The following SSBP2 variants were observed in gnomAD, a reference collection of about 807,000 sequenced individuals.
SSBP2 encodes the protein single-stranded DNA-binding protein 2.
A neutral mutation model predicts 61.8 loss-of-function variants in SSBP2; 17 were observed. The ratio of observed to expected loss-of-function variants is 0.28; its 90% CI spans 0.19 to 0.41. The LOEUF (loss-of-function observed/expected upper bound fraction) is 0.41, where lower values mean the gene tolerates loss of function less well. Among genes scored for constraint, SSBP2 ranks in the 10% least tolerant of loss-of-function variants. SSBP2 has a pLI of 1.00. For synonymous variants in SSBP2, 139 were observed against 141.3 expected (o/e 0.98, Z 0.12); for missense variants, 310 against 458.7 (o/e 0.68, Z 2.96).
chr5:81,539,802 TGTTACATA>T (rs1277315574), intron 4 of SSBP2, among the ~76,000 whole-genome samples: 1 of 152,170 alleles, frequency 6.6e-6, no homozygotes, highest in Non-Finnish European at 1.5e-5. Context: ...CGTGCAGGTT[TGTTACATA>T]GGTATACACG....
At chr5:81,632,965 T>C (rs1024616925) in intron 3 of SSBP2, among the ~76,000 whole-genome samples, 13 of 152,144 alleles carry the variant, frequency 8.5e-5, no homozygotes, top group African/African-American at 2.9e-4. Context: ...TAAAAGGACA[T>C]ATGCATTCTG....
At chr5:81,595,370 C>G (rs192040164) in intron 4 of SSBP2, among the ~76,000 whole-genome samples, 2,250 of 152,152 alleles carry the variant, frequency 0.015, 45 homozygotes, top group East Asian at 0.053. Flanking sequence ...ACCAAAAAAA[C>G]TCCAGGACCA....
intron 1 of SSBP2, among the ~76,000 whole-genome samples, chr5:81,681,949 T>C (rs1752419666): frequency 6.6e-6 from 1 of 152,164 alleles, no homozygotes; most frequent in Non-Finnish European, 1.5e-5. Context: ...TACTCAAAAA[T>C]TTGATAACCT....
intron 4 of SSBP2, among the ~76,000 whole-genome samples, chr5:81,538,002 T>TA (rs1197431644): frequency 1.6e-4 from 24 of 152,150 alleles, no homozygotes; most frequent in African/African-American, 5.8e-4. Context: ...GTGTTTCAAG[T>TA]AAAAGGAAAA....
At chr5:81,473,851 G>A in intron 7 of SSBP2, 81 bp from the exon 8 acceptor site, 1 of 1,277,782 alleles carries the variant, frequency 7.8e-7, no homozygotes, top group South Asian at 1.2e-5. Context: ...CCTCCTGGGT[G>A]TTACTGTCTC....
intron 4 of SSBP2, among the ~76,000 whole-genome samples, chr5:81,565,437 AG>A (rs1026815558): frequency 2.0e-5 from 3 of 152,194 alleles, no homozygotes; most frequent in Admixed American, 2.0e-4. Flanking sequence ...TAAGATCAAA[AG>A]GTAAGTTTTA....
At chr5:81,641,378 T>C (rs1748770669) in intron 2 of SSBP2, among the ~76,000 whole-genome samples, 1 of 152,252 alleles carries the variant, frequency 6.6e-6, no homozygotes, top group Non-Finnish European at 1.5e-5. Context: ...TATATCATCA[T>C]TTCATGCTCA....
chr5:81,635,098 T>A (rs1456051006), intron 3 of SSBP2, among the ~76,000 whole-genome samples: 1 of 152,166 alleles, frequency 6.6e-6, no homozygotes, highest in African/African-American at 2.4e-5. Context: ...GCAATAAACC[T>A]TCTAGGTTTG....
chr5:81,490,796 A>G lies in SSBP2; in HGVS notation c.373-1487T>C, dbSNP rs545930143. ...AAGTGAGCAATTTGGCTTTTTGTTC[A>G]CTGTGTTCTTATATGTAAAAGTGCT... On this transcript the variant is annotated intron_variant, in intron 5 of 16. Transcript: ENST00000320672. Among the ~76,000 whole-genome samples the G allele has an allele frequency of 5.3e-5, 8 of 152,338 alleles. No homozygotes were observed. The South Asian group carries it at 1.4e-3, about 28-fold the overall frequency.
rs1757733578 is a variant in SSBP2 at position 81,751,011 on chromosome 5, G to A, written c.32C>T (p.Ala11Val). The stretch of plus-strand genomic sequence containing the variant: ...CCGGGCCTGGCTGTCGGACGGGACG[G>A]CGCTGCTGTTACTCTTGCCTTTGCC... The change falls in exon 1 of 17, where the codon GCC (alanine) becomes GTC (valine). Residue 11 changes from alanine (A) to valine (V), a missense_variant. Ala to Val is a moderately conservative substitution (Grantham distance 64, BLOSUM62 0). This residue lies in a region of SSBP2 where 36 missense variants were observed against 27.0 expected (regional missense o/e 1.33). Transcript: ENST00000320672. 1.3e-6 allele frequency: 2 copies of A among 1,599,578 alleles called. No homozygotes were observed. Among genetic ancestry groups the A allele is most frequent in the Non-Finnish European group, 8.5e-7 (1 of 1,173,246 alleles).
rs1156638145 is a variant in SSBP2, at chr5:81,623,190, A to T, written c.198-7633T>A. 2.6e-5 allele frequency among the ~76,000 whole-genome samples: 4 copies of T among 152,304 alleles called. No homozygotes were observed. The East Asian group carries it at 7.7e-4, about 29-fold the overall frequency. Reference sequence around the variant, plus strand: ...TAGTCTTTAAACTGTATTTAATCAAAGAATATTACATGCAGCATTATATGA... The same window carrying T: ...TAGTCTTTAAACTGTATTTAATCAATGAATATTACATGCAGCATTATATGA... On this transcript the variant is annotated intron_variant, in intron 3 of 16. Coordinates refer to ENST00000320672, the MANE Select transcript of SSBP2 (RefSeq NM_012446.5).
chr5:81,691,853 A>T (rs1753225711), intron 1 of SSBP2, among the ~76,000 whole-genome samples: 1 of 152,232 alleles, frequency 6.6e-6, no homozygotes, highest in Non-Finnish European at 1.5e-5. Context: ...CATTAAAAAC[A>T]TCATTCATCA....
chr5:81,481,082 C>T (rs747114017), intron 6 of SSBP2, among the ~76,000 whole-genome samples: 3 of 152,156 alleles, frequency 2.0e-5, no homozygotes, highest in Non-Finnish European at 4.4e-5. Flanking sequence ...TCTATTTTCA[C>T]GACATCTGTA....
chr5:81,657,478 A>C (rs1171262228), intron 1 of SSBP2, among the ~76,000 whole-genome samples: 1 of 152,248 alleles, frequency 6.6e-6, no homozygotes, highest in Non-Finnish European at 1.5e-5. Context: ...GAGTATAAGG[A>C]AATAAGAGTA....
intron 1 of SSBP2, among the ~76,000 whole-genome samples, chr5:81,737,078 C>CA (rs1461309506): frequency 6.6e-6 from 1 of 152,132 alleles, no homozygotes; most frequent in Admixed American, 6.5e-5. Context: ...TTCATACACT[C>CA]AGTCACTTTC....
intron 4 of SSBP2, among the ~76,000 whole-genome samples, chr5:81,595,720 A>C (rs1743662910): frequency 6.6e-6 from 1 of 152,222 alleles, no homozygotes. Context: ...CCAGCATATA[A>C]ACAGAACCAA....
At chr5:81,490,065 A>G (rs999678172) in intron 5 of SSBP2, among the ~76,000 whole-genome samples, 5 of 152,078 alleles carry the variant, frequency 3.3e-5, no homozygotes, top group African/African-American at 7.2e-5. Context: ...CAAATTTTAA[A>G]GTTGAAATTT....
chr5:81,559,351 C>T (rs959445460), intron 4 of SSBP2, among the ~76,000 whole-genome samples: 2 of 148,538 alleles, frequency 1.3e-5, no homozygotes, highest in African/African-American at 2.5e-5. Flanking sequence ...TGCGCCATTG[C>T]ACTCCAGCCT....
At chr5:81,540,565 C>A (rs182759987) in intron 4 of SSBP2, among the ~76,000 whole-genome samples, 148 of 152,170 alleles carry the variant, frequency 9.7e-4, no homozygotes, top group African/African-American at 3.3e-3. Context: ...CTATTCATAT[C>A]CTCTGCCCAC....
Sources: gnomAD v4.1 joint callset for allele counts (sites outside exome capture counted in the v4.1 genomes callset) on GRCh38, gnomAD v4.1.1 for gene constraint, gnomAD v4.1.1 regional missense constraint, MANE v1.5 for transcripts, NCBI Gene and HGNC (gene_info 2026-07-23, HGNC 2026-07-21) for gene names.